The following CEP126 variants were observed in gnomAD, a reference collection of about 807,000 sequenced individuals.
CEP126 encodes centrosomal protein 126, also known as centrosomal protein of 126 kDa.
Under a neutral mutation model 107.8 loss-of-function variants are expected in CEP126, and 74 were observed. That is an observed-to-expected ratio of 0.69 (90% confidence interval 0.57 to 0.83). CEP126 has a LOEUF of 0.83. Among genes scored for constraint, CEP126 ranks in the 40% least tolerant of loss-of-function variants. CEP126 has a pLI of 0.00. For missense variants in CEP126, 1,237 were observed against 1,281.9 expected, an observed-to-expected ratio of 0.96 and a Z score of 0.53; for synonymous variants, 449 against 446.0, an observed-to-expected ratio of 1.01 and a Z score of -0.08.
intron 2 of CEP126, among the ~76,000 whole-genome samples, chr11:101,937,480 C>G (rs1940599756): frequency 6.6e-6 from 1 of 152,180 alleles, no homozygotes; most frequent in Non-Finnish European, 1.5e-5. Context: ...TCAAAAGTTT[C>G]AAATTTTGTA....
intron 4 of CEP126, among the ~76,000 whole-genome samples, chr11:101,948,621 T>C (rs1940770764): frequency 6.6e-6 from 1 of 152,134 alleles, no homozygotes; most frequent in Admixed American, 6.5e-5. Context: ...CTAGAAGTAA[T>C]AGGATGGACC....
At chr11:101,930,591 C>T (rs1343135283) in intron 2 of CEP126, among the ~76,000 whole-genome samples, 1 of 152,174 alleles carries the variant, frequency 6.6e-6, no homozygotes, top group Non-Finnish European at 1.5e-5. Flanking sequence ...ACGGGTTGCC[C>T]CTGCTGGCTC....
At chr11:101,931,900 C>G (rs771683909) in intron 2 of CEP126, among the ~76,000 whole-genome samples, 1 of 152,206 alleles carries the variant, frequency 6.6e-6, no homozygotes, top group African/African-American at 2.4e-5. Flanking sequence ...GAAACAAGAA[C>G]AAATAGTTCG....
chr11:101,978,392 G>A lies in CEP126; in HGVS notation c.2891G>A (p.Arg964Lys), dbSNP rs796755448. The A allele has an allele frequency of 6.2e-7, 1 of 1,613,520 alleles. No homozygotes were observed. The highest frequency in any genetic ancestry group is 8.5e-7 in the Non-Finnish European group (1 of 1,179,740). Residue 964 changes from arginine (R) to lysine (K), a missense_variant, in exon 7 of 11, where the codon AGA (arginine) becomes AAA (lysine). By Grantham distance (26) the Arg-to-Lys change is conservative. Coordinates refer to ENST00000263468, the MANE Select transcript of CEP126 (RefSeq NM_020802.4). ...RRKRIAETKR[R>K]NILEQKRQNP... Reference sequence around the variant, plus strand: ...AAACGAATTGCTGAAACTAAGCGGAGAAATATTTTAGAGCAGAAAAGACAA... The same window carrying A: ...AAACGAATTGCTGAAACTAAGCGGAAAAATATTTTAGAGCAGAAAAGACAA...
In CEP126 at chr11:101,948,579, G is replaced by C. The variant is rs1013625113; in HGVS notation, c.506+437G>C. 4.6e-5 allele frequency among the ~76,000 whole-genome samples: 7 copies of C among 152,224 alleles called. No homozygotes were observed. In the East Asian group the frequency reaches 1.4e-3, roughly 29 times the overall value. On this transcript the variant is annotated intron_variant, in intron 4 of 10. Coordinates refer to ENST00000263468, the MANE Select transcript of CEP126 (RefSeq NM_020802.4). ...TCTTGAAAAGGCTACAGAGTCTCCT[G>C]GTTCTTCTGCAGGATGGCATAAGTG...
intron 7 of CEP126, among the ~76,000 whole-genome samples, chr11:101,978,738 G>A (rs1371372332): frequency 6.6e-6 from 1 of 152,006 alleles, no homozygotes; most frequent in Non-Finnish European, 1.5e-5. Context: ...AGCCAATGCT[G>A]GAAAAAATGA....
chr11:101,963,538 C>T lies in CEP126; in HGVS notation c.2503C>T (p.His835Tyr). 6.2e-7 allele frequency: 1 copy of T among 1,614,080 alleles called. No individual in the cohort carries two copies. Among genetic ancestry groups the T allele is most frequent in the Non-Finnish European group, 8.5e-7 (1 of 1,179,970 alleles). ...TGAAAATCCTCAAAACATTATTACA[C>T]ATAACTCTTTTAATTCAAAACATGT... ...TPENPQNIIT[H>Y]NSFNSKHVLP... Residue 835 changes from histidine to tyrosine, a missense_variant, in exon 6 of 11, where the codon CAT becomes TAT. By Grantham distance (83) the His-to-Tyr change is moderately conservative. Transcript: ENST00000263468.
At chr11:101,942,798 T>A (rs1457446124) in intron 2 of CEP126, among the ~76,000 whole-genome samples, 1 of 151,986 alleles carries the variant, frequency 6.6e-6, no homozygotes, top group African/African-American at 2.4e-5. Context: ...ATTCTTTCAG[T>A]GATGTTTTAC....
At chr11:101,955,959 C>T (rs747012933) in intron 4 of CEP126, 18 of 456,326 alleles carry the variant, frequency 3.9e-5, no homozygotes, top group African/African-American at 1.2e-4. Context: ...CCATCTGTAC[C>T]CTCTACTCTT....
intron 10 of CEP126, 48 bp downstream of exon 10, chr11:101,992,890 A>G (rs772475958): frequency 1.4e-6 from 2 of 1,452,424 alleles, no homozygotes; most frequent in Non-Finnish European, 9.1e-7. Context: ...GAAACTTCTG[A>G]TTTTATGTAC....
chr11:101,964,513 A>G lies in CEP126; in HGVS notation c.2845+633A>G, dbSNP rs574033279. On this transcript the variant is annotated intron_variant, in intron 6 of 10. Coordinates refer to ENST00000263468, the MANE Select transcript of CEP126 (RefSeq NM_020802.4). ...CCGGGCATGGTGGCGCGTGCCTGTA[A>G]TCCCTGCTGCCTGGGAGGAGGCAGG... Among the ~76,000 whole-genome samples, 170 of 152,002 alleles carry G rather than the reference A, an allele frequency of 1.1e-3. 1 individual carries two copies. Among genetic ancestry groups the G allele is most frequent in the African/African-American group, 4.0e-3 (165 of 41,468 alleles).
intron 1 of CEP126, chr11:101,916,158 G>T (rs1035727877): frequency 6.6e-6 from 1 of 152,232 alleles, no homozygotes; most frequent in Non-Finnish European, 1.5e-5. Context: ...AAAGGACTTG[G>T]TTGGCAATGA....
At chr11:101,990,765 A>C (rs1257249051) in intron 9 of CEP126, among the ~76,000 whole-genome samples, 3 of 151,720 alleles carry the variant, frequency 2.0e-5, no homozygotes, top group Middle Eastern at 3.2e-3. Context: ...CTGTGCGCAC[A>C]TGCAGGAAGG....
At chr11:101,995,158 T>A (rs1235588491) in intron 10 of CEP126, among the ~76,000 whole-genome samples, 1 of 152,202 alleles carries the variant, frequency 6.6e-6, no homozygotes, top group East Asian at 1.9e-4. Flanking sequence ...TTTTTTTTAT[T>A]TTTTGCCTTG....
chr11:101,989,120 T>C (rs1941346886), intron 9 of CEP126, among the ~76,000 whole-genome samples: 2 of 151,944 alleles, frequency 1.3e-5, no homozygotes, highest in African/African-American at 4.8e-5. Context: ...ACAGACCATA[T>C]CCTCTAACCA....
At chr11:101,954,174 C>T (rs10895228) in intron 4 of CEP126, among the ~76,000 whole-genome samples, 57,982 of 151,756 alleles carry the variant, frequency 0.38, 11,353 homozygotes, top group East Asian at 0.51. Context: ...ATTACAGGAA[C>T]GTACCACCAC....
intron 4 of CEP126, among the ~76,000 whole-genome samples, chr11:101,950,103 CA>C (rs1940790584): frequency 6.6e-6 from 1 of 152,050 alleles, no homozygotes; most frequent in African/African-American, 2.4e-5. Context: ...TCTGGAAGGG[CA>C]AAGAGAGAAT....
chr11:101,933,615 A>T (rs551081070), intron 2 of CEP126, among the ~76,000 whole-genome samples: 1 of 152,276 alleles, frequency 6.6e-6, no homozygotes, highest in South Asian at 2.1e-4. Flanking sequence ...GTAATGAATG[A>T]TTATTATTTT....
chr11:101,926,854 T>C (rs1187107513), intron 2 of CEP126, among the ~76,000 whole-genome samples: 2 of 152,230 alleles, frequency 1.3e-5, no homozygotes, highest in Admixed American at 1.3e-4. Context: ...CTACAATCAT[T>C]ATTATGAGCA....
Sources: allele counts gnomAD v4.1 joint callset (sites outside exome capture counted in the v4.1 genomes callset), GRCh38; gene constraint gnomAD v4.1.1; transcripts MANE v1.5; gene names NCBI Gene and HGNC (gene_info 2026-07-23, HGNC 2026-07-21).